Variants in SPATA9 observed in about 807,000 individuals in gnomAD.
The protein encoded by SPATA9 is spermatogenesis associated 9.
Under a neutral mutation model 25.5 loss-of-function variants are expected in SPATA9, and 27 were observed. The observed-to-expected ratio is 1.06, with a 90% confidence interval of 0.78 to 1.46. The LOEUF (loss-of-function observed/expected upper bound fraction) is 1.46. SPATA9 is among the 40% of genes most tolerant of loss of function. The pLI is 0.00. For synonymous variants in SPATA9, 102 were observed against 105.7 expected (o/e 0.97, Z 0.21); for missense variants, 282 against 297.5 (o/e 0.95, Z 0.38).
Position 95,682,968 on chromosome 5 carries a change from C to T in SPATA9, c.-114G>A, listed in dbSNP as rs1368889973. The T allele has an allele frequency of 2.9e-6, 4 of 1,382,296 alleles. No individual in the cohort carries two copies. The highest frequency in any genetic ancestry group is 3.8e-6 in the Non-Finnish European group (4 of 1,065,030). The allele number at this position is 1,382,296 out of a possible 1,614,324, so 85.6% of individuals were successfully genotyped here. A position where few individuals can be genotyped will look rare whatever the true frequency, so the allele number is the denominator to read the frequency against. ...GTAGCCTTCCACTTGGGAAAGCCAG[C>T]AAGGACAGAACTCACAGCTCACTGC... On this transcript the variant is annotated 5_prime_UTR_variant, in exon 1 of 5. Coordinates refer to ENST00000274432, the MANE Select transcript of SPATA9 (RefSeq NM_031952.4).
At chr5:95,709,937 T>G in the SPATA9 span, among the ~76,000 whole-genome samples, 1 of 152,188 alleles carries the variant, frequency 6.6e-6, no homozygotes. Context: ...TAGCCTTTCC[T>G]GCTGAGGTGA....
At chr5:95,656,206 T>C (rs1243936590), downstream of SPATA9, 2 of 1,613,978 alleles carry the variant, frequency 1.2e-6, no homozygotes, top group East Asian at 4.5e-5. Context: ...ACAGTGACAG[T>C]AGACAACGGA....
intron 1 of SPATA9, among the ~76,000 whole-genome samples, chr5:95,694,146 C>T (rs73149668): frequency 0.016 from 2,489 of 151,994 alleles, 67 homozygotes; most frequent in African/African-American, 0.057. Context: ...GGAAAGAGAG[C>T]AAGACCTAGT....
the SPATA9 span, among the ~76,000 whole-genome samples, chr5:95,720,959 C>G: frequency 6.6e-6 from 1 of 152,166 alleles, no homozygotes; most frequent in South Asian, 2.1e-4. Context: ...ATGGGTTCTT[C>G]TTATGATTTG....
chr5:95,716,529 A>T, the SPATA9 span, among the ~76,000 whole-genome samples: 1 of 152,210 alleles, frequency 6.6e-6, no homozygotes, highest in African/African-American at 2.4e-5. Context: ...TCTAGAAAGT[A>T]ACTAACTTGC....
chr5:95,726,635 T>C, the SPATA9 span, among the ~76,000 whole-genome samples: 1 of 152,244 alleles, frequency 6.6e-6, no homozygotes, highest in Non-Finnish European at 1.5e-5. Flanking sequence ...TTTTTTACCT[T>C]GCAATGTGGC....
At chr5:95,729,301 G>A in the SPATA9 span, among the ~76,000 whole-genome samples, 2 of 152,024 alleles carry the variant, frequency 1.3e-5, no homozygotes, top group Admixed American at 6.5e-5. Flanking sequence ...GCTTCTTAAG[G>A]TCAATGACCA....
chr5:95,664,981 CAA>C (rs1384565353), intron 3 of SPATA9, among the ~76,000 whole-genome samples: 1 of 152,090 alleles, frequency 6.6e-6, no homozygotes, highest in Non-Finnish European at 1.5e-5. Context: ...AAAACTAAAA[CAA>C]TGATTCCAGA....
chr5:95,724,772 C>G, the SPATA9 span, among the ~76,000 whole-genome samples: 1 of 152,168 alleles, frequency 6.6e-6, no homozygotes, highest in East Asian at 1.9e-4. Flanking sequence ...CCCATTTTCT[C>G]TCCAGTAAAT....
chr5:95,719,303 T>G, the SPATA9 span, among the ~76,000 whole-genome samples: 1 of 152,082 alleles, frequency 6.6e-6, no homozygotes, highest in Non-Finnish European at 1.5e-5. Flanking sequence ...TTCAGGAGGA[T>G]GAAAGAGTAA....
At chr5:95,699,306 T>C (rs1022287437), upstream of SPATA9, among the ~76,000 whole-genome samples, 1 of 152,204 alleles carries the variant, frequency 6.6e-6, no homozygotes. Context: ...TCATGCCTAC[T>C]TTACAGGGCT....
At chr5:95,705,275 G>A in the SPATA9 span, among the ~76,000 whole-genome samples, 2 of 152,056 alleles carry the variant, frequency 1.3e-5, no homozygotes, top group Admixed American at 1.3e-4. Flanking sequence ...CCAGGTTGGA[G>A]TACTTATGAC....
At chr5:95,705,311 C>T in the SPATA9 span, among the ~76,000 whole-genome samples, 9 of 152,024 alleles carry the variant, frequency 5.9e-5, no homozygotes, top group Non-Finnish European at 8.8e-5. Context: ...AGGCCACATC[C>T]CTTAATATGG....
At chr5:95,652,931 A>C (rs1215756013), downstream of SPATA9, 2 of 733,790 alleles carry the variant, frequency 2.7e-6, no homozygotes, top group Non-Finnish European at 4.1e-6. Flanking sequence ...AAAGAAATCA[A>C]TTCACACTTT....
At chr5:95,696,901 G>A (rs1045986189) in intron 1 of SPATA9, among the ~76,000 whole-genome samples, 2 of 152,070 alleles carry the variant, frequency 1.3e-5, no homozygotes. Context: ...TAAAGATTAG[G>A]TGCAACCTAA....
At chr5:95,711,119 G>A in the SPATA9 span, among the ~76,000 whole-genome samples, 2 of 152,172 alleles carry the variant, frequency 1.3e-5, no homozygotes, top group Admixed American at 6.5e-5. Flanking sequence ...GTTTCCGAGC[G>A]GCTCCCTTAA....
At chr5:95,662,543 G>C (rs1751360193) in intron 4 of SPATA9, among the ~76,000 whole-genome samples, 1 of 151,996 alleles carries the variant, frequency 6.6e-6, no homozygotes, top group Admixed American at 6.6e-5. Context: ...GGGATTATAG[G>C]CACACACCAC....
At chr5:95,691,213 C>CT (rs1331643032) in intron 1 of SPATA9, among the ~76,000 whole-genome samples, 3 of 100,846 alleles carry the variant, frequency 3.0e-5, no homozygotes, top group Non-Finnish European at 4.1e-5. Flanking sequence ...AAGACTCCGT[C>CT]TCAAAAAAAA....
the SPATA9 span, among the ~76,000 whole-genome samples, chr5:95,722,469 T>TG: frequency 6.6e-6 from 1 of 152,080 alleles, no homozygotes; most frequent in Non-Finnish European, 1.5e-5. Flanking sequence ...TATACATCCC[T>TG]GGGGGTGGTA....
Sources: gnomAD v4.1 joint callset for allele counts (sites outside exome capture counted in the v4.1 genomes callset) on GRCh38, gnomAD v4.1.1 for gene constraint, MANE v1.5 for transcripts, NCBI Gene and HGNC (gene_info 2026-07-23, HGNC 2026-07-21) for gene names.